AOPEP: variants seen among roughly 807,000 people sequenced by gnomAD.
AOPEP encodes the protein aminopeptidase O.
A neutral mutation model predicts 98.1 loss-of-function variants in AOPEP; 77 were observed. That is an observed-to-expected ratio of 0.78 (90% CI 0.65 to 0.95). AOPEP has a LOEUF of 0.95. AOPEP is among the 40% of genes least tolerant of loss of function. The pLI is 0.00. For missense variants in AOPEP, 1,024 were observed against 1,024.7 expected (o/e 1.00, Z 0.01); for synonymous variants, 346 against 365.3 (o/e 0.95, Z 0.60).
At chr9:94,729,201 CAGA>C (rs1358765372) in intron 1 of AOPEP, among the ~76,000 whole-genome samples, 12 of 152,094 alleles carry the variant, frequency 7.9e-5, no homozygotes, top group Admixed American at 7.9e-4. Flanking sequence ...AAAGTTCTGT[CAGA>C]AGGATGAAAG....
chr9:95,138,534 C>T, the AOPEP span, among the ~76,000 whole-genome samples: 4 of 152,242 alleles, frequency 2.6e-5, no homozygotes, highest in East Asian at 5.8e-4. Context: ...TGGCTCCTCC[C>T]TTCTCAAGCA....
chr9:95,065,867 A>G (rs2067836161), intron 14 of AOPEP, among the ~76,000 whole-genome samples: 1 of 152,196 alleles, frequency 6.6e-6, no homozygotes, highest in Non-Finnish European at 1.5e-5. Context: ...TTACAGATCA[A>G]GAGGCCAGAT....
chr9:94,826,869 G>A (rs1258457447), intron 5 of AOPEP, among the ~76,000 whole-genome samples: 2 of 152,090 alleles, frequency 1.3e-5, no homozygotes, highest in African/African-American at 4.8e-5. Flanking sequence ...GGCAACAGTT[G>A]GGGCTATAGA....
rs1255277660 is a variant in AOPEP, at chr9:95,060,684, T to C, written c.2116-10T>C. 3.1e-6 allele frequency: 5 copies of C among 1,587,560 alleles called. No individual in the cohort carries two copies. The highest frequency in any genetic ancestry group is 1.7e-5 in the Admixed American group (1 of 59,980). ...TGGCATTTTCATAGGCTGTTTGGTT[T>C]TGTCTTTAGCTTCTTCCAGACCAGC... On this transcript the variant is annotated splice_polypyrimidine_tract_variant and intron_variant, in intron 13 of 16. Coordinates refer to ENST00000375315, the MANE Select transcript of AOPEP (RefSeq NM_001193329.3).
At chr9:94,851,817 C>T (rs1211086262) in intron 5 of AOPEP, among the ~76,000 whole-genome samples, 1 of 149,908 alleles carries the variant, frequency 6.7e-6, no homozygotes, top group Non-Finnish European at 1.5e-5. Context: ...ATCCTAGCTG[C>T]TTTTTAACCC....
chr9:94,951,714 C>G (rs1375812999), intron 7 of AOPEP, among the ~76,000 whole-genome samples: 1 of 152,228 alleles, frequency 6.6e-6, no homozygotes, highest in Non-Finnish European at 1.5e-5. Context: ...CAGGCATCCC[C>G]AGGCTGGCCA....
chr9:94,808,331 T>C (rs996150631), intron 5 of AOPEP, among the ~76,000 whole-genome samples: 4 of 152,234 alleles, frequency 2.6e-5, no homozygotes, highest in African/African-American at 9.6e-5. Flanking sequence ...TGAGCCACCG[T>C]GCCCAGCCTC....
At chr9:94,995,132 T>G (rs2132444419) in intron 11 of AOPEP, among the ~76,000 whole-genome samples, 1 of 152,312 alleles carries the variant, frequency 6.6e-6, no homozygotes, top group Middle Eastern at 3.4e-3. Context: ...ACACACTTGT[T>G]TGTAGTAGCT....
At chr9:95,081,570 T>C (rs1185532249) in intron 15 of AOPEP, among the ~76,000 whole-genome samples, 1 of 152,206 alleles carries the variant, frequency 6.6e-6, no homozygotes, top group Admixed American at 6.5e-5. Flanking sequence ...TGAGGCCTCA[T>C]TATTCCTACA....
intron 6 of AOPEP, among the ~76,000 whole-genome samples, chr9:94,925,783 G>A (rs1217607603): frequency 2.0e-5 from 3 of 152,170 alleles, no homozygotes; most frequent in African/African-American, 7.2e-5. Context: ...TTCCAGTCCT[G>A]GCTCTGCCAT....
At chr9:94,959,801 A>T (rs1226521132) in intron 9 of AOPEP, among the ~76,000 whole-genome samples, 1 of 152,180 alleles carries the variant, frequency 6.6e-6, no homozygotes, top group Non-Finnish European at 1.5e-5. Flanking sequence ...CTGTGTATGT[A>T]TGTATATATG....
intron 11 of AOPEP, among the ~76,000 whole-genome samples, chr9:94,982,979 C>T (rs1035001582): frequency 6.6e-6 from 1 of 152,044 alleles, no homozygotes; most frequent in Non-Finnish European, 1.5e-5. Context: ...TTCTACACTC[C>T]TTATTTTAGT....
At chr9:95,107,309 GCAGGACAGA>G in the AOPEP span, 1 of 1,590,862 alleles carries the variant, frequency 6.3e-7, no homozygotes, top group Non-Finnish European at 8.6e-7. Flanking sequence ...TTAGGAAGAG[GCAGGACAGA>G]CATACTTCTA....
chr9:94,777,648 T>A (rs1315027258), intron 3 of AOPEP, among the ~76,000 whole-genome samples: 3 of 138,224 alleles, frequency 2.2e-5, no homozygotes, highest in Admixed American at 2.2e-4. Flanking sequence ...TTTTTTTTTT[T>A]TTTGAGACAG....
At chr9:94,818,068 C>T (rs1321652362) in intron 5 of AOPEP, among the ~76,000 whole-genome samples, 2 of 152,154 alleles carry the variant, frequency 1.3e-5, no homozygotes, top group Admixed American at 6.5e-5. Context: ...CTCTGCTTGT[C>T]GCCCAAGATG....
intron 5 of AOPEP, among the ~76,000 whole-genome samples, chr9:94,885,335 T>G (rs1352880720): frequency 2.2e-5 from 2 of 92,044 alleles, no homozygotes; most frequent in South Asian, 3.9e-4. Context: ...GGTGACAGAG[T>G]GAGATCCTGT....
At chr9:94,733,760 A>G (rs1253455856) in intron 1 of AOPEP, among the ~76,000 whole-genome samples, 1 of 152,228 alleles carries the variant, frequency 6.6e-6, no homozygotes. Context: ...TATTTAAGCT[A>G]TACCAAATGC....
At chr9:94,750,042 A>C (rs1835334640) in intron 1 of AOPEP, among the ~76,000 whole-genome samples, 1 of 152,216 alleles carries the variant, frequency 6.6e-6, no homozygotes, top group African/African-American at 2.4e-5. Context: ...TCAGACTTCT[A>C]ACTTTGCCTT....
At chr9:94,840,505 T>C (rs7045387) in intron 5 of AOPEP, among the ~76,000 whole-genome samples, 130,689 of 152,222 alleles carry the variant, frequency 0.86, 56,266 homozygotes, top group Non-Finnish European at 0.89. Context: ...AATTCTGGCC[T>C]TATAAACTGA....
Sources: gnomAD v4.1 joint callset for allele counts (sites outside exome capture counted in the v4.1 genomes callset) on GRCh38, gnomAD v4.1.1 for gene constraint, MANE v1.5 for transcripts, NCBI Gene and HGNC (gene_info 2026-07-23, HGNC 2026-07-21) for gene names.